Variants in IGFBP2 observed in about 807,000 individuals in gnomAD.
The protein encoded by IGFBP2 is insulin like growth factor binding protein 2.
Under a neutral mutation model 26.2 loss-of-function variants are expected in IGFBP2, and 12 were observed. The observed-to-expected ratio is 0.46, with a 90% CI of 0.29 to 0.74. IGFBP2 has a LOEUF of 0.74. Ranked by LOEUF, IGFBP2 falls within the 30% of genes least tolerant of loss-of-function variation. IGFBP2 has a pLI of 0.09. For synonymous variants in IGFBP2, 189 were observed against 200.6 expected (o/e 0.94, Z 0.49); for missense variants, 328 against 441.2 (o/e 0.74, Z 2.30).
intron 1 of IGFBP2, among the ~76,000 whole-genome samples, chr2:216,657,698 T>C (rs996977052): frequency 2.6e-5 from 4 of 152,128 alleles, no homozygotes; most frequent in Admixed American, 6.5e-5. Flanking sequence ...TGATTAGACA[T>C]GGTGGAGCAG....
chr2:216,648,828 C>T (rs1406317087), intron 1 of IGFBP2, among the ~76,000 whole-genome samples: 2 of 152,078 alleles, frequency 1.3e-5, no homozygotes, highest in East Asian at 1.9e-4. Flanking sequence ...AGGCTGGTCT[C>T]GAACTCCTGA....
chr2:216,640,705 C>T (rs371499306), intron 1 of IGFBP2, among the ~76,000 whole-genome samples: 9 of 152,172 alleles, frequency 5.9e-5, no homozygotes, highest in South Asian at 4.1e-4. Flanking sequence ...CCTCCGTGGC[C>T]GGGTAAGGAG....
In IGFBP2 at chr2:216,633,567, C is replaced by CGCCACTGCT; in HGVS notation, c.47_48insACTGCTGCC (p.Pro19_Leu21dup). On this transcript the variant is annotated inframe_insertion, in exon 1 of 4. Coordinates refer to ENST00000233809, the MANE Select transcript of IGFBP2 (RefSeq NM_000597.3). ...TGCCCCGCGCTGCCGCTGCCGCCGC[C>CGCCACTGCT]GCCGCTGCTGCCGCTGCTGCTGCTG... is the stretch of plus-strand genomic sequence containing the variant. The CGCCACTGCT allele has an allele frequency of 3.1e-6, 3 of 970,434 alleles. No individual in the cohort carries two copies. The highest frequency in any genetic ancestry group is 1.1e-4 in the Admixed American group (2 of 17,976). The allele number at this position is 970,434 out of a possible 1,614,324, so 60.1% of individuals were successfully genotyped here. A position where few individuals can be genotyped will look rare whatever the true frequency, so the allele number is the denominator to read the frequency against.
intron 1 of IGFBP2, among the ~76,000 whole-genome samples, chr2:216,636,911 ACAGG>A (rs770168119): frequency 1.1e-4 from 13 of 116,364 alleles, no homozygotes; most frequent in Admixed American, 1.7e-4. Flanking sequence ...GGGCGGGCAG[ACAGG>A]CAGGCAGGCA....
rs72547222 is a variant in IGFBP2, at chr2:216,640,780, C to T, written c.442+6815C>T. On this transcript the variant is annotated intron_variant, in intron 1 of 3. Coordinates refer to ENST00000233809, the MANE Select transcript of IGFBP2 (RefSeq NM_000597.3). ...CAGCAGTTTTGTTCCTGGACAGCTG[C>T]CATGTGCAGGTGATGTATGGGGCAC... Among the ~76,000 whole-genome samples, 1,091 of 152,302 alleles carry T rather than the reference C, an allele frequency of 7.2e-3. 13 individuals are homozygous for T. Among genetic ancestry groups the T allele is most frequent in the African/African-American group, 0.026 (1,069 of 41,558 alleles).
chr2:216,648,490 C>T (rs10221678), intron 1 of IGFBP2, among the ~76,000 whole-genome samples: 3,376 of 152,268 alleles, frequency 0.022, 61 homozygotes, highest in Middle Eastern at 0.031. Context: ...GTGGTGAAGT[C>T]CGCCATGTCA....
At chr2:216,636,949 G>GGGCGGGCC (rs1697510569) in intron 1 of IGFBP2, among the ~76,000 whole-genome samples, 1 of 139,100 alleles carries the variant, frequency 7.2e-6, no homozygotes, top group Non-Finnish European at 1.6e-5. Context: ...GCGGGCGGGC[G>GGGCGGGCC]GGCCTGGGGA....
At chr2:216,660,210 T>C (rs1302957397) in intron 1 of IGFBP2, among the ~76,000 whole-genome samples, 1 of 152,098 alleles carries the variant, frequency 6.6e-6, no homozygotes, top group Non-Finnish European at 1.5e-5. Flanking sequence ...CCCAGCCTTG[T>C]AAGAGGGTCC....
chr2:216,664,367 G>T lies in IGFBP2; in HGVS notation c.*263G>T. ...GGAGCTGGGGTACAGGTTTGGGGAG[G>T]GGGAAGAGAAATTTTTATTTTTGAA... On this transcript the variant is annotated 3_prime_UTR_variant, in exon 4 of 4. Coordinates refer to ENST00000233809, the MANE Select transcript of IGFBP2 (RefSeq NM_000597.3). This position sits in a 1 kb window ranked among gnomAD's most constrained non-coding sequence, Gnocchi z 4.6. 2 of 349,784 alleles carry T rather than the reference G, an allele frequency of 5.7e-6. No individual in the cohort carries two copies. Among genetic ancestry groups the T allele is most frequent in the East Asian group, 4.4e-5 (1 of 22,534 alleles). 21.7% of individuals were successfully genotyped at this position (349,784 alleles called of 1,614,324 possible).
Position 216,633,745 on chromosome 2 carries a change from A to G in IGFBP2, c.222A>G (p.Pro74=). 3 of 1,292,074 alleles carry G rather than the reference A, an allele frequency of 2.3e-6. No individual in the cohort carries two copies. Among genetic ancestry groups the G allele is most frequent in the African/African-American group, 1.5e-5 (1 of 64,564 alleles). The allele number at this position is 1,292,074 out of a possible 1,614,324, so 80.0% of individuals were successfully genotyped here. The change falls in exon 1 of 4, where the codon CCA becomes CCG. Residue 74 remains proline (P), a synonymous_variant. Transcript: ENST00000233809. ...CAGTGGCCGGAGGCGCCCGCATGCC[A>G]TGCGCGGAGCTCGTCCGGGAGCCGG... is the stretch of plus-strand genomic sequence containing the variant. The part of the protein sequence containing the change: ...VAAVAGGARM[P]CAELVREPGC...
At chr2:216,647,008 G>C (rs1053296377) in intron 1 of IGFBP2, among the ~76,000 whole-genome samples, 1 of 152,096 alleles carries the variant, frequency 6.6e-6, no homozygotes, top group East Asian at 1.9e-4. Context: ...TGCTGGAGGG[G>C]GACAAGAAAA....
intron 3 of IGFBP2, 112 bp from the exon 4 acceptor site, chr2:216,663,828 C>T (rs961550267): frequency 1.9e-5 from 22 of 1,141,500 alleles, no homozygotes; most frequent in South Asian, 3.4e-5. Context: ...AAGCTCCACC[C>T]GGCAGCGCAT....
intron 1 of IGFBP2, among the ~76,000 whole-genome samples, chr2:216,646,639 C>T (rs1697714168): frequency 6.6e-6 from 1 of 152,222 alleles, no homozygotes; most frequent in Non-Finnish European, 1.5e-5. Context: ...GCTGGGGAGG[C>T]CTCACAATCA....
chr2:216,659,564 T>G, intron 1 of IGFBP2: 1 of 651,568 alleles, frequency 1.5e-6, no homozygotes. Context: ...AGCTCTGCCG[T>G]GCGATTCAGA....
chr2:216,640,504 G>A (rs944673968), intron 1 of IGFBP2, among the ~76,000 whole-genome samples: 2 of 152,116 alleles, frequency 1.3e-5, no homozygotes, highest in Non-Finnish European at 2.9e-5. Flanking sequence ...CAGCCGCCAG[G>A]AGATTGGTGG....
chr2:216,644,751 C>T (rs190235989), intron 1 of IGFBP2, among the ~76,000 whole-genome samples: 2 of 152,338 alleles, frequency 1.3e-5, no homozygotes, highest in East Asian at 1.9e-4. Flanking sequence ...TTCTTCCCCT[C>T]TCCCACTTCC....
chr2:216,638,860 C>T (rs557732636), intron 1 of IGFBP2, among the ~76,000 whole-genome samples: 18 of 150,948 alleles, frequency 1.2e-4, no homozygotes, highest in Middle Eastern at 3.5e-3. Context: ...CCACCACGCC[C>T]GGCTAACTTT....
intron 1 of IGFBP2, among the ~76,000 whole-genome samples, chr2:216,646,040 CAG>C (rs774809678): frequency 1.8e-4 from 27 of 152,182 alleles, no homozygotes; most frequent in Non-Finnish European, 3.4e-4. Context: ...TAGTTGAAGA[CAG>C]AGAAAAGCAT....
At chr2:216,632,971 A>C (rs924611294), upstream of IGFBP2, 10 of 152,384 alleles carry the variant, frequency 6.6e-5, no homozygotes, top group Admixed American at 5.2e-4. Flanking sequence ...GTGATACCCC[A>C]GGATGGAAGG....
Sources: gnomAD v4.1 joint callset for allele counts (sites outside exome capture counted in the v4.1 genomes callset) on GRCh38, gnomAD v4.1.1 for gene constraint, Gnocchi (gnomAD v3.1) non-coding constraint, MANE v1.5 for transcripts, NCBI Gene and HGNC (gene_info 2026-07-23, HGNC 2026-07-21) for gene names.